Variants in GABRA1 observed in about 807,000 individuals in gnomAD.
GABRA1 encodes the protein gamma-aminobutyric acid type A receptor subunit alpha1.
In GABRA1, 9 loss-of-function variants were observed where a neutral mutation model predicts 48.9. That is an observed-to-expected ratio of 0.18 (90% CI 0.11 to 0.32). The LOEUF (loss-of-function observed/expected upper bound fraction) is 0.32, where lower values mean the gene tolerates loss of function less well. Among genes scored for constraint, GABRA1 ranks in the 10% least tolerant of loss-of-function variants. The pLI is 1.00. For missense variants in GABRA1, 285 were observed against 553.8 expected (o/e 0.51, Z 4.87); for synonymous variants, 210 against 198.7 (o/e 1.06, Z -0.48).
intron 3 of GABRA1, among the ~76,000 whole-genome samples, chr5:161,855,328 T>C (rs911207414): frequency 6.6e-6 from 1 of 151,524 alleles, no homozygotes; most frequent in Admixed American, 6.6e-5. Flanking sequence ...AATGACATGG[T>C]TGTGTATTAT....
intron 2 of GABRA1, among the ~76,000 whole-genome samples, chr5:161,851,375 T>C (rs932967946): frequency 2.0e-5 from 3 of 152,136 alleles, no homozygotes; most frequent in African/African-American, 7.2e-5. Flanking sequence ...GAAATTGTTA[T>C]CTATATAACT....
chr5:161,897,007 A>T, intron 9 of GABRA1, 104 bp from the exon 10 acceptor site: 2 of 941,832 alleles, frequency 2.1e-6, no homozygotes, highest in Non-Finnish European at 3.4e-6. Context: ...TTCCTAAATA[A>T]GGCACAGATT....
At chr5:161,889,146 A>G (rs1485582945) in intron 7 of GABRA1, among the ~76,000 whole-genome samples, 1 of 152,056 alleles carries the variant, frequency 6.6e-6, no homozygotes, top group African/African-American at 2.4e-5. Context: ...TAATAATGAA[A>G]GCAGGCATAA....
At chr5:161,855,839 C>A (rs1327701077) in intron 3 of GABRA1, among the ~76,000 whole-genome samples, 1 of 151,216 alleles carries the variant, frequency 6.6e-6, no homozygotes, top group Non-Finnish European at 1.5e-5. Flanking sequence ...AAAAAGTCAG[C>A]AGAATTTTAC....
chr5:161,871,185 T>C (rs1172383306), intron 4 of GABRA1, among the ~76,000 whole-genome samples: 5 of 152,168 alleles, frequency 3.3e-5, no homozygotes, highest in Non-Finnish European at 7.4e-5. Context: ...GTAATACATC[T>C]AGTTTCAGTT....
At chr5:161,890,837 T>C (rs1256975835) in intron 7 of GABRA1, 61 bp from the exon 8 acceptor site, 3 of 1,487,550 alleles carry the variant, frequency 2.0e-6, no homozygotes, top group African/African-American at 2.8e-5. Context: ...ATAGTAAACC[T>C]CAGAGATTAC....
At chr5:161,876,706 CT>C (rs1230069628) in intron 6 of GABRA1, among the ~76,000 whole-genome samples, 1 of 152,090 alleles carries the variant, frequency 6.6e-6, no homozygotes, top group Admixed American at 6.6e-5. Context: ...CTTCTCCCTG[CT>C]TTTTTCCCAA....
chr5:161,863,730 T>C (rs1481128109), intron 3 of GABRA1, among the ~76,000 whole-genome samples: 1 of 151,956 alleles, frequency 6.6e-6, no homozygotes, highest in Non-Finnish European at 1.5e-5. Flanking sequence ...TTTCTGAGTT[T>C]TTTAAACTTA....
intron 3 of GABRA1, among the ~76,000 whole-genome samples, chr5:161,863,794 G>C (rs4605831): frequency 1.3e-5 from 2 of 150,826 alleles, no homozygotes; most frequent in Non-Finnish European, 3.0e-5. Context: ...AGTTATATAC[G>C]CCTCAAGCGT....
chr5:161,850,925 A>G (rs774534253), intron 2 of GABRA1, 41 bp downstream of exon 2: 3 of 1,527,156 alleles, frequency 2.0e-6, no homozygotes, highest in South Asian at 1.1e-5. Context: ...AAATTTCTGT[A>G]ACTTTTCATT....
chr5:161,848,574 C>T (rs1194040831), intron 1 of GABRA1, 152 bp downstream of exon 1: 1 of 147,258 alleles, frequency 6.8e-6, no homozygotes. Flanking sequence ...AGCGAGCGAG[C>T]AAGGGAGCGA....
At chr5:161,887,331 A>G (rs1256665498) in intron 7 of GABRA1, among the ~76,000 whole-genome samples, 1 of 152,144 alleles carries the variant, frequency 6.6e-6, no homozygotes, top group Non-Finnish European at 1.5e-5. Context: ...TTCTTTGACT[A>G]TGGAGTAACA....
chr5:161,866,182 T>A (rs560242800), intron 4 of GABRA1, among the ~76,000 whole-genome samples: 302 of 152,194 alleles, frequency 2.0e-3, no homozygotes, highest in Non-Finnish European at 3.1e-3. Flanking sequence ...TTATGATTTC[T>A]AAATTATTTT....
chr5:161,878,310 G>A (rs1353622580), intron 6 of GABRA1, among the ~76,000 whole-genome samples: 1 of 152,156 alleles, frequency 6.6e-6, no homozygotes, highest in East Asian at 1.9e-4. Flanking sequence ...AATTACCACT[G>A]CCTGGCATTG....
chr5:161,882,351 A>T, intron 6 of GABRA1: 2 of 586,832 alleles, frequency 3.4e-6, no homozygotes, highest in South Asian at 4.1e-5. Flanking sequence ...CCTTATAACC[A>T]TTTGTTGGAA....
At chr5:161,866,218 G>T (rs1241679412) in intron 4 of GABRA1, among the ~76,000 whole-genome samples, 1 of 152,028 alleles carries the variant, frequency 6.6e-6, no homozygotes, top group Non-Finnish European at 1.5e-5. Flanking sequence ...AAAAGGAAAT[G>T]AGTGTAAAAG....
At chr5:161,864,006 C>A (rs909017204) in intron 3 of GABRA1, among the ~76,000 whole-genome samples, 1 of 151,856 alleles carries the variant, frequency 6.6e-6, no homozygotes, top group Non-Finnish European at 1.5e-5. Flanking sequence ...TGGACACTTG[C>A]CAAGAGCTGA....
intron 8 of GABRA1, among the ~76,000 whole-genome samples, chr5:161,892,726 C>A (rs1228301533): frequency 6.6e-6 from 1 of 152,064 alleles, no homozygotes; most frequent in Admixed American, 6.6e-5. Context: ...ACAGGACAGG[C>A]CGGGCACGGG....
chr5:161,893,045 T>TAAAAAAAAA (rs201703824), intron 8 of GABRA1, among the ~76,000 whole-genome samples: 4 of 86,296 alleles, frequency 4.6e-5, no homozygotes, highest in Admixed American at 1.0e-4. Flanking sequence ...ATAATAATAA[T>TAAAAAAAAA]AATAAAATAA....
Sources: allele counts gnomAD v4.1 joint callset (sites outside exome capture counted in the v4.1 genomes callset), GRCh38; gene constraint gnomAD v4.1.1; transcripts MANE v1.5; gene names NCBI Gene and HGNC (gene_info 2026-07-23, HGNC 2026-07-21).